The following TMEM63A variants were observed in gnomAD, a reference collection of about 807,000 sequenced individuals.
TMEM63A encodes mechanosensitive cation channel TMEM63A.
TMEM63A carries 76 observed loss-of-function variants against 100.6 expected under a neutral mutation model. The ratio of observed to expected loss-of-function variants is 0.76; its 90% confidence interval spans 0.63 to 0.91. The LOEUF is 0.91. Among genes scored for constraint, TMEM63A ranks in the 40% least tolerant of loss-of-function variants. The pLI is 0.00. For missense variants in TMEM63A, 876 were observed against 1,008.8 expected (o/e 0.87, Z 1.78); for synonymous variants, 401 against 401.1 (o/e 1.00, Z 0.00).
At chr1:225,844,381 G>A, downstream of TMEM63A, 1 of 1,510,976 alleles carries the variant, frequency 6.6e-7, no homozygotes, top group Non-Finnish European at 9.2e-7. Context: ...CGTTGCATGA[G>A]GTCTGAGGAG....
chr1:225,845,574 C>A lies in TMEM63A; in HGVS notation c.*1365G>T. On this transcript the variant is annotated 3_prime_UTR_variant, in exon 25 of 25. Transcript: ENST00000366835. ...GACTTTACTCTAAAAGCGGCTGGAA[C>A]TCAGTGACATGAGCGTGCGCTGACC... 1.7e-6 allele frequency: 1 copy of A among 600,024 alleles called. No homozygotes were observed. The highest frequency in any genetic ancestry group is 3.0e-6 in the Non-Finnish European group (1 of 338,802). 37.2% of individuals were successfully genotyped at this position (600,024 alleles called of 1,614,324 possible).
Position 225,855,725 on chromosome 1 carries a change from G to A in TMEM63A, c.1634+153C>T, listed in dbSNP as rs557515013. Among the ~76,000 whole-genome samples the A allele has an allele frequency of 4.5e-4, 69 of 152,346 alleles. 1 individual carries two copies. The highest frequency in any genetic ancestry group is 7.3e-4 in the Non-Finnish European group (50 of 68,032). On this transcript the variant is annotated intron_variant, in intron 18 of 24. Coordinates refer to ENST00000366835, the MANE Select transcript of TMEM63A (RefSeq NM_014698.3). The stretch of plus-strand genomic sequence containing the variant: ...GTGTCTACCAGAAACCTGGCAGGGT[G>A]GAGGTGAGGCCCCAAGCCCTGCTGT...
intron 17 of TMEM63A, 111 bp downstream of exon 17, chr1:225,856,541 A>C: frequency 9.4e-7 from 1 of 1,061,618 alleles, no homozygotes; most frequent in Non-Finnish European, 1.4e-6. Context: ...ACAGGCTTAG[A>C]TATTGTTAGA....
chr1:225,860,220 A>C (rs1364833696), intron 14 of TMEM63A: 2 of 152,592 alleles, frequency 1.3e-5, no homozygotes, highest in African/African-American at 4.8e-5. Context: ...CAAGGAGCTG[A>C]GGCAGGGCTG....
At chr1:225,843,706 C>G (rs1370288568), downstream of TMEM63A, among the ~76,000 whole-genome samples, 1 of 152,190 alleles carries the variant, frequency 6.6e-6, no homozygotes, top group Non-Finnish European at 1.5e-5. Flanking sequence ...CTAGAAAGAA[C>G]AGGAATACAC....
chr1:225,874,430 G>A (rs1194989984), intron 3 of TMEM63A, 63 bp from the exon 4 acceptor site: 58 of 1,451,192 alleles, frequency 4.0e-5, no homozygotes, highest in South Asian at 1.7e-4. Flanking sequence ...AAGACACAGC[G>A]GTCTCAGGGG....
intron 3 of TMEM63A, among the ~76,000 whole-genome samples, chr1:225,876,639 C>CT (rs376473268): frequency 7.6e-5 from 8 of 104,742 alleles, no homozygotes; most frequent in South Asian, 5.3e-4. Context: ...GCTTCTAATT[C>CT]TTTTTTTTGT....
chr1:225,862,944 G>C lies in TMEM63A; in HGVS notation c.747-93C>G. 2 of 1,201,426 alleles carry C rather than the reference G, an allele frequency of 1.7e-6. No homozygotes were observed. The highest frequency in any genetic ancestry group is 2.4e-6 in the Non-Finnish European group (2 of 826,668). 74.4% of individuals were successfully genotyped at this position (1,201,426 alleles called of 1,614,324 possible). ...GCCCACGGATCCAAGGGAAAGGATGGCAGAGTGATCTCGCTGCTGGTTTCT... is the reference window on the plus strand; with the variant it reads ...GCCCACGGATCCAAGGGAAAGGATGCCAGAGTGATCTCGCTGCTGGTTTCT... On this transcript the variant is annotated intron_variant, in intron 10 of 24. Coordinates refer to ENST00000366835, the MANE Select transcript of TMEM63A (RefSeq NM_014698.3). This position sits in a 1 kb window ranked among gnomAD's most constrained non-coding sequence, Gnocchi z 5.1.
intron 3 of TMEM63A, 35 bp from the exon 4 acceptor site, chr1:225,874,402 T>C (rs373583029): frequency 6.3e-7 from 1 of 1,587,838 alleles, no homozygotes; most frequent in Admixed American, 1.7e-5. Flanking sequence ...AAAAGCATAT[T>C]GGATGGCTTC....
chr1:225,874,584 C>T (rs559787651), intron 3 of TMEM63A, among the ~76,000 whole-genome samples: 23 of 152,360 alleles, frequency 1.5e-4, no homozygotes, highest in Middle Eastern at 3.4e-3. Flanking sequence ...CCTGTGCCCA[C>T]GCCACCAAGG....
chr1:225,873,918 G>T (rs921696044), intron 4 of TMEM63A, among the ~76,000 whole-genome samples: 1 of 152,206 alleles, frequency 6.6e-6, no homozygotes, highest in Non-Finnish European at 1.5e-5. Flanking sequence ...AGCCAACAAG[G>T]TTCATAGCCT....
At chr1:225,849,409 T>C (rs139212788) in intron 21 of TMEM63A, among the ~76,000 whole-genome samples, 162 of 152,166 alleles carry the variant, frequency 1.1e-3, no homozygotes, top group Non-Finnish European at 1.7e-3. Context: ...GAGTGTCAGT[T>C]TTCTCTCCTC....
chr1:225,859,069 C>T, intron 15 of TMEM63A, 127 bp downstream of exon 15: 1 of 1,373,618 alleles, frequency 7.3e-7, no homozygotes, highest in South Asian at 1.4e-5. Flanking sequence ...AGGATGTGAG[C>T]TGAGCAACAT....
intron 20 of TMEM63A, among the ~76,000 whole-genome samples, chr1:225,850,569 C>T (rs1425410366): frequency 6.6e-6 from 1 of 152,172 alleles, no homozygotes; most frequent in African/African-American, 2.4e-5. Flanking sequence ...ATGTTAATTA[C>T]CCTCTAGTGG....
In TMEM63A at chr1:225,853,650, A is replaced by G. The variant is rs772384137; in HGVS notation, c.1776T>C (p.Ala592=). The change falls in exon 19 of 25, where the codon GCT becomes GCC. Residue 592 remains alanine (A), a synonymous_variant. Transcript: ENST00000366835. This position sits in a 1 kb window ranked among gnomAD's most constrained non-coding sequence, Gnocchi z 4.0. The part of the protein sequence containing the change: ...TFRMIMAKTA[A]DRRNVKQNQA... Reference sequence around the variant, plus strand: ...GCACCTGCTTGACATTCCTGCGGTCAGCAGCCGTCTTGGCCATGATCATGC... The same window carrying G: ...GCACCTGCTTGACATTCCTGCGGTCGGCAGCCGTCTTGGCCATGATCATGC... 1.3e-6 allele frequency: 2 copies of G among 1,571,138 alleles called. No homozygotes were observed. The highest frequency in any genetic ancestry group is 2.3e-5 in the East Asian group (1 of 43,122).
In TMEM63A at chr1:225,865,872, C is replaced by T; in HGVS notation, c.746+25G>A. ...TTGGTCCTACGTGGAGGGGGCTCAG[C>T]TCCCCTCCCACCCCACCTGCTTACC... On this transcript the variant is annotated intron_variant, in intron 10 of 24. Coordinates refer to ENST00000366835, the MANE Select transcript of TMEM63A (RefSeq NM_014698.3). This position sits in a 1 kb window ranked among gnomAD's most constrained non-coding sequence, Gnocchi z 4.6. 1 of 1,611,366 alleles carries T rather than the reference C, an allele frequency of 6.2e-7. No individual in the cohort carries two copies. The highest frequency in any genetic ancestry group is 8.5e-7 in the Non-Finnish European group (1 of 1,178,214).
rs1669902256 is a variant in TMEM63A, at chr1:225,860,908, G to A, written c.1175C>T (p.Thr392Ile). ...QPSSHSRELYTSKWTVTFAAD... is the reference protein window; with the variant it reads ...QPSSHSRELYISKWTVTFAAD... ...AGCAAAGGTGACTGTCCACTTGGAG[G>A]TATAGAGCTCCCTGCTATGGGAGGA... Residue 392 changes from threonine to isoleucine, a missense_variant, in exon 14 of 25, where the codon ACC becomes ATC. Thr to Ile is a moderately conservative substitution (Grantham distance 89). Transcript: ENST00000366835. 2.5e-6 allele frequency: 4 copies of A among 1,612,656 alleles called. No homozygotes were observed. Among genetic ancestry groups the A allele is most frequent in the Admixed American group, 3.3e-5 (2 of 59,816 alleles).
Position 225,850,068 on chromosome 1 carries a change from T to C in TMEM63A, c.1915A>G (p.Ile639Val), listed in dbSNP as rs1052683946. 1.1e-5 allele frequency: 18 copies of C among 1,614,012 alleles called. No individual in the cohort carries two copies. In the African/African-American group the frequency reaches 2.1e-4, roughly 19 times the overall value. ...PIIAPFGLIY[I>V]LLKHMVDRHN... ...CGGTCCACCATGTGCTTGAGCAGGATGTAGATGAGGCCTGCAGGGGATGGG... is the reference window on the plus strand; with the variant it reads ...CGGTCCACCATGTGCTTGAGCAGGACGTAGATGAGGCCTGCAGGGGATGGG... The change falls in exon 21 of 25, where the codon ATC becomes GTC. Residue 639 changes from isoleucine to valine, a missense_variant. By Grantham distance (29) the Ile-to-Val change is conservative. Transcript: ENST00000366835.
Position 225,859,205 on chromosome 1 carries a change from A to G in TMEM63A, c.1368T>C (p.His456=). Reference sequence around the variant, plus strand: ...CAGAACAGTTACTCACATTCAGCGCATGGATGGGTTTGGTGACATTAAACT... The same window carrying G: ...CAGAACAGTTACTCACATTCAGCGCGTGGATGGGTTTGGTGACATTAAACT... The part of the protein sequence containing the change: ...MDKFNVTKPI[H]ALNNPIISQF... Residue 456 remains histidine (H), a synonymous_variant, in exon 15 of 25, where the codon CAT becomes CAC. Transcript: ENST00000366835. 6.2e-7 allele frequency: 1 copy of G among 1,614,042 alleles called. No homozygotes were observed. The highest frequency in any genetic ancestry group is 8.5e-7 in the Non-Finnish European group (1 of 1,179,996).
Sources: allele counts gnomAD v4.1 joint callset (sites outside exome capture counted in the v4.1 genomes callset), GRCh38; gene constraint gnomAD v4.1.1; non-coding constraint Gnocchi (gnomAD v3.1); transcripts MANE v1.5; gene names NCBI Gene and HGNC (gene_info 2026-07-23, HGNC 2026-07-21).